PALLD: variants seen among roughly 807,000 people sequenced by gnomAD.
The protein encoded by PALLD is palladin, cytoskeletal associated protein, also known as palladin.
PALLD carries 61 observed loss-of-function variants against 123.5 expected under a neutral mutation model. That is an observed-to-expected ratio of 0.49 (90% confidence interval 0.40 to 0.61). The LOEUF (loss-of-function observed/expected upper bound fraction) is 0.61, where lower values mean the gene tolerates loss of function less well. Among genes scored for constraint, PALLD ranks in the 20% least tolerant of loss-of-function variants. PALLD has a pLI of 0.00. For missense variants in PALLD, 1,273 were observed against 1,377.0 expected, an observed-to-expected ratio of 0.92 and a Z score of 1.20; for synonymous variants, 465 against 496.4, an observed-to-expected ratio of 0.94 and a Z score of 0.84.
intron 2 of PALLD, among the ~76,000 whole-genome samples, chr4:168,628,304 T>C (rs60308094): frequency 0.056 from 8,463 of 152,262 alleles, 628 homozygotes; most frequent in African/African-American, 0.16. Flanking sequence ...TGCACTGATA[T>C]GCATGTAAGT....
intron 21 of PALLD, chr4:168,925,539 AG>A (rs1288845811): frequency 6.2e-6 from 3 of 484,644 alleles, no homozygotes; most frequent in African/African-American, 3.9e-5. Flanking sequence ...TTTGTGGCTT[AG>A]TGCTTTTCTC....
chr4:168,920,658 A>T (rs757738150), intron 17 of PALLD, among the ~76,000 whole-genome samples: 3 of 152,172 alleles, frequency 2.0e-5, no homozygotes, highest in East Asian at 1.9e-4. Flanking sequence ...TCTGGTCCAC[A>T]CAACTGTCAA....
intron 10 of PALLD, among the ~76,000 whole-genome samples, chr4:168,876,396 A>C (rs1751757569): frequency 6.6e-6 from 1 of 152,180 alleles, no homozygotes; most frequent in African/African-American, 2.4e-5. Flanking sequence ...CTTTTAAAAC[A>C]CTCAAGTTCA....
intron 4 of PALLD, among the ~76,000 whole-genome samples, chr4:168,682,180 A>G (rs1000063288): frequency 3.3e-5 from 5 of 152,232 alleles, no homozygotes; most frequent in Non-Finnish European, 7.3e-5. Context: ...AAATGTTAAT[A>G]TCTTAATTAT....
rs527494722 is a variant in PALLD at position 168,869,457 on chromosome 4, C to T, written c.1965-21465C>T. 6.6e-6 allele frequency among the ~76,000 whole-genome samples: 1 copy of T among 152,038 alleles called. No homozygotes were observed. Among genetic ancestry groups the T allele is most frequent in the East Asian group, 1.9e-4 (1 of 5,152 alleles). On this transcript the variant is annotated intron_variant, in intron 10 of 21. Coordinates refer to ENST00000505667, the MANE Select transcript of PALLD (RefSeq NM_001166108.2). This position sits in a 1 kb window ranked among gnomAD's most constrained non-coding sequence, Gnocchi z 4.5. ...GAAGAAATGGGCATTGAAATGGGCA[C>T]AGAAGGATGAAGACAGTGGATGGAG...
chr4:168,847,669 A>G (rs1747071370), intron 10 of PALLD, among the ~76,000 whole-genome samples: 1 of 151,816 alleles, frequency 6.6e-6, no homozygotes, highest in African/African-American at 2.4e-5. Context: ...TTTATTTTTT[A>G]ATTAATATTT....
chr4:168,549,977 G>T (rs1329512944), intron 2 of PALLD, among the ~76,000 whole-genome samples: 1 of 152,126 alleles, frequency 6.6e-6, no homozygotes, highest in East Asian at 1.9e-4. Flanking sequence ...CATCCATGTT[G>T]TCTCATTTAT....
chr4:168,755,881 G>A (rs79132242), intron 10 of PALLD: 9,258 of 176,878 alleles, frequency 0.052, 348 homozygotes, highest in Admixed American at 0.093. Flanking sequence ...CTCTGAAGGG[G>A]CACAGTTCTT....
At chr4:168,704,891 C>T (rs1784081790) in intron 8 of PALLD, among the ~76,000 whole-genome samples, 1 of 151,940 alleles carries the variant, frequency 6.6e-6, no homozygotes, top group South Asian at 2.1e-4. Context: ...ATTATAGGAT[C>T]ATTATAGTAG....
intron 10 of PALLD, among the ~76,000 whole-genome samples, chr4:168,767,195 G>T (rs1245130481): frequency 6.6e-6 from 1 of 152,100 alleles, no homozygotes; most frequent in Non-Finnish European, 1.5e-5. Flanking sequence ...ACCCTGTGCT[G>T]CTTTTCACTT....
chr4:168,861,439 T>TG (rs1189667767), intron 10 of PALLD, among the ~76,000 whole-genome samples: 2 of 152,126 alleles, frequency 1.3e-5, no homozygotes, highest in Non-Finnish European at 2.9e-5. Context: ...AAGTAAGAGA[T>TG]GAAGATGTAC....
At chr4:168,517,535 C>G (rs1413347029) in intron 2 of PALLD, among the ~76,000 whole-genome samples, 3 of 152,088 alleles carry the variant, frequency 2.0e-5, no homozygotes, top group African/African-American at 7.2e-5. Context: ...AAAGCCAAAA[C>G]AAGAGGATTA....
At chr4:168,641,976 C>T (rs1314916322) in intron 2 of PALLD, among the ~76,000 whole-genome samples, 1 of 152,184 alleles carries the variant, frequency 6.6e-6, no homozygotes, top group Non-Finnish European at 1.5e-5. Flanking sequence ...ATTGGGCATG[C>T]ACAGTACACA....
At chr4:168,801,338 G>A (rs1016421805) in intron 10 of PALLD, among the ~76,000 whole-genome samples, 1 of 152,216 alleles carries the variant, frequency 6.6e-6, no homozygotes, top group Non-Finnish European at 1.5e-5. Context: ...GAGTGCAGTG[G>A]CACGATCTTG....
intron 10 of PALLD, among the ~76,000 whole-genome samples, chr4:168,812,562 C>T (rs575032340): frequency 6.6e-5 from 10 of 152,330 alleles, no homozygotes; most frequent in Admixed American, 3.9e-4. Flanking sequence ...GGCGAGAATG[C>T]GTTTCCAGCA....
At chr4:168,565,538 G>C (rs1304002213) in intron 2 of PALLD, among the ~76,000 whole-genome samples, 1 of 152,116 alleles carries the variant, frequency 6.6e-6, no homozygotes, top group Non-Finnish European at 1.5e-5. Context: ...ACTTAAGCCA[G>C]AGGAGCTCCA....
chr4:168,630,873 TTG>T (rs1775735100), intron 2 of PALLD, among the ~76,000 whole-genome samples: 1 of 152,204 alleles, frequency 6.6e-6, no homozygotes, highest in African/African-American at 2.4e-5. Flanking sequence ...TATTAAACGG[TTG>T]GTTTTGTTTC....
intron 2 of PALLD, among the ~76,000 whole-genome samples, chr4:168,650,928 T>C (rs1221176927): frequency 6.6e-6 from 1 of 152,210 alleles, no homozygotes; most frequent in African/African-American, 2.4e-5. Context: ...TGATATTATT[T>C]GCTAAATACA....
At chr4:168,877,870 G>T in intron 10 of PALLD, 1 of 1,415,830 alleles carries the variant, frequency 7.1e-7, no homozygotes, top group Non-Finnish European at 9.2e-7. Flanking sequence ...CGGCCTGCAC[G>T]CCGCCCGCGT....
Sources: allele counts gnomAD v4.1 joint callset (sites outside exome capture counted in the v4.1 genomes callset), GRCh38; gene constraint gnomAD v4.1.1; non-coding constraint Gnocchi (gnomAD v3.1); transcripts MANE v1.5; gene names NCBI Gene and HGNC (gene_info 2026-07-23, HGNC 2026-07-21).